USH2A: variants seen among roughly 807,000 people sequenced by gnomAD.
The protein encoded by USH2A is Usher syndrome 2A (autosomal recessive, mild).
In USH2A, 443 loss-of-function variants were observed where a neutral mutation model predicts 538.9. The observed-to-expected ratio is 0.82, with a 90% confidence interval of 0.76 to 0.89. The LOEUF (loss-of-function observed/expected upper bound fraction) is 0.89, where lower values mean the gene tolerates loss of function less well. Ranked by LOEUF, USH2A falls within the 40% of genes least tolerant of loss-of-function variation. The pLI, the probability that USH2A is intolerant of heterozygous loss-of-function variation, is 0.00. For synonymous variants in USH2A, 2,413 were observed against 2,273.5 expected, an observed-to-expected ratio of 1.06 and a Z score of -1.75; for missense variants, 6,633 against 6,324.8, an observed-to-expected ratio of 1.05 and a Z score of -1.65.
At chr1:216,156,284 C>CTTTTTTTTTCTTTTTTTTTTTTTTT (rs2033935272) in intron 21 of USH2A, among the ~76,000 whole-genome samples, 3 of 102,588 alleles carry the variant, frequency 2.9e-5, no homozygotes, top group African/African-American at 1.2e-4. Context: ...TTCTTTCTTT[C>CTTTTTTTTTCTTTTTTTTTTTTTTT]TTTTTTTTTT....
At chr1:215,631,616 C>T in intron 70 of USH2A, among the ~76,000 whole-genome samples, 1 of 152,194 alleles carries the variant, frequency 6.6e-6, no homozygotes, top group East Asian at 1.9e-4. Context: ...ACCCGGTGCC[C>T]TGGTGTATCC....
chr1:215,868,036 G>A (rs1032881613), intron 43 of USH2A, among the ~76,000 whole-genome samples: 16 of 152,132 alleles, frequency 1.1e-4, no homozygotes, highest in Admixed American at 8.5e-4. Flanking sequence ...GCTTAAACAT[G>A]TAGTGCAACA....
intron 61 of USH2A, among the ~76,000 whole-genome samples, chr1:215,716,550 T>A (rs1044045847): frequency 5.3e-5 from 8 of 152,196 alleles, no homozygotes; most frequent in African/African-American, 1.9e-4. Flanking sequence ...CAATAGGAAT[T>A]TGTACGATAA....
chr1:216,054,729 A>G (rs1446418817), intron 30 of USH2A, among the ~76,000 whole-genome samples: 1 of 144,222 alleles, frequency 6.9e-6, no homozygotes, highest in African/African-American at 2.6e-5. Context: ...GTTCTCCTTC[A>G]TTATGTTAAT....
chr1:216,118,382 A>C (rs1002036957), intron 21 of USH2A, among the ~76,000 whole-genome samples: 1 of 152,288 alleles, frequency 6.6e-6, no homozygotes, highest in Non-Finnish European at 1.5e-5. Context: ...GCAAAGTCCA[A>C]GAAAAAAGGG....
chr1:216,059,960 T>A (rs1425588126), intron 30 of USH2A, among the ~76,000 whole-genome samples: 1 of 152,168 alleles, frequency 6.6e-6, no homozygotes, highest in African/African-American at 2.4e-5. Flanking sequence ...CTTCTGGGAA[T>A]TTTCAGAAGT....
chr1:215,662,970 T>A (rs1456807449), intron 64 of USH2A, among the ~76,000 whole-genome samples: 1 of 152,192 alleles, frequency 6.6e-6, no homozygotes, highest in Non-Finnish European at 1.5e-5. Flanking sequence ...ACAAAGCAAG[T>A]AGCTAATTGC....
chr1:215,757,993 AG>A, intron 58 of USH2A, among the ~76,000 whole-genome samples: 1 of 152,340 alleles, frequency 6.6e-6, no homozygotes, highest in Non-Finnish European at 1.5e-5. Context: ...TTGGATATAT[AG>A]AAGAGTAAGC....
chr1:216,343,283 G>A (rs540636450), intron 4 of USH2A, among the ~76,000 whole-genome samples: 114 of 150,878 alleles, frequency 7.6e-4, no homozygotes, highest in African/African-American at 2.7e-3. Flanking sequence ...GACTAGCTGG[G>A]CTTGATGGTT....
chr1:215,817,273 GC>G, intron 47 of USH2A, 78 bp from the exon 48 acceptor site: 1 of 1,178,358 alleles, frequency 8.5e-7, no homozygotes, highest in Non-Finnish European at 1.2e-6. Flanking sequence ...GTAAAAAGTG[GC>G]AGCAATAGAT....
rs188758851 is a variant in USH2A at position 215,666,093 on chromosome 1, T to C, written c.14133+4879A>G. ...CATATTTTAGATCTCACTGGCTTTA[T>C]TAAAGCTAATCCTCCAGAGTGTTAT... On this transcript the variant is annotated intron_variant, in intron 64 of 71. Transcript: ENST00000307340. Among the ~76,000 whole-genome samples, 7 of 152,364 alleles carry C rather than the reference T, an allele frequency of 4.6e-5. No individual in the cohort carries two copies. The East Asian group carries it at 1.4e-3, about 29-fold the overall frequency.
chr1:215,623,225 A>G lies in USH2A; in HGVS notation c.*2556T>C, dbSNP rs1486877878. The G allele has an allele frequency of 6.6e-6, 1 of 152,050 alleles. No homozygotes were observed. The highest frequency in any genetic ancestry group is 6.5e-5 in the Admixed American group (1 of 15,272). The allele number at this position is 152,050 out of a possible 1,614,324, so 9.4% of individuals were successfully genotyped here. On this transcript the variant is annotated 3_prime_UTR_variant, in exon 72 of 72. Coordinates refer to ENST00000307340, the MANE Select transcript of USH2A (RefSeq NM_206933.4). Reference sequence around the variant, plus strand: ...AAAACATGGTAGTTCGTAAGCTGAGAATGTGGCATGTACAATTGGTAAAAT... The same window carrying G: ...AAAACATGGTAGTTCGTAAGCTGAGGATGTGGCATGTACAATTGGTAAAAT...
At chr1:215,835,298 A>T (rs941688200) in intron 47 of USH2A, among the ~76,000 whole-genome samples, 5 of 151,226 alleles carry the variant, frequency 3.3e-5, no homozygotes, top group African/African-American at 1.2e-4. Context: ...ATATGCTATT[A>T]TCTGGAGGTA....
chr1:216,311,580 A>T (rs2037420593), intron 9 of USH2A, among the ~76,000 whole-genome samples: 1 of 151,742 alleles, frequency 6.6e-6, no homozygotes, highest in Admixed American at 6.6e-5. Context: ...TTGGCGGGAG[A>T]GGGGCGCGGT....
intron 15 of USH2A, among the ~76,000 whole-genome samples, chr1:216,214,207 A>G (rs2035300548): frequency 6.6e-6 from 1 of 152,016 alleles, no homozygotes; most frequent in Non-Finnish European, 1.5e-5. Flanking sequence ...ATATAAAGAG[A>G]TATAAAGATG....
At chr1:216,374,771 T>C (rs2038786387) in intron 3 of USH2A, among the ~76,000 whole-genome samples, 1 of 152,128 alleles carries the variant, frequency 6.6e-6, no homozygotes, top group Non-Finnish European at 1.5e-5. Flanking sequence ...TACAGCTGCA[T>C]TCTGGATCAT....
In USH2A at chr1:216,251,079, C is replaced by G. The variant is rs1205322456; in HGVS notation, c.1991G>C (p.Cys664Ser). ...LCDQIGGQCN[C>S]KRHVSGRQCN... is the part of the protein sequence containing the mutation. Reference sequence around the variant, plus strand: ...CTGCCTGCCAGACACGTGTCTCTTACAATTACACTGTCCTCCAATCTAGAG... The same window carrying G: ...CTGCCTGCCAGACACGTGTCTCTTAGAATTACACTGTCCTCCAATCTAGAG... Residue 664 changes from cysteine to serine, a missense_variant, in exon 12 of 72, where the codon TGT (cysteine) becomes TCT (serine). Cys to Ser is a moderately radical substitution (Grantham distance 112). Coordinates refer to ENST00000307340, the MANE Select transcript of USH2A (RefSeq NM_206933.4). The G allele has an allele frequency of 6.2e-7, 1 of 1,614,030 alleles. No individual in the cohort carries two copies. Among genetic ancestry groups the G allele is most frequent in the Non-Finnish European group, 8.5e-7 (1 of 1,179,972 alleles).
At position 215,650,605 on chromosome 1, in the gene USH2A, C is replaced by T; in HGVS notation, c.14330G>A (p.Gly4777Glu). Residue 4777 changes from glycine to glutamate, a missense_variant, in exon 65 of 72, where the codon GGG becomes GAG. Gly to Glu is a moderately conservative substitution (Grantham distance 98). Transcript: ENST00000307340. ...TCTGCTGCTCACCACTGTCTCAGCC[C>T]CATGGGCGCTGCTGGAGAACAGCCT... ...LYRLFSSSAH[G>E]AETVLSEGMA... 6.2e-7 allele frequency: 1 copy of T among 1,614,116 alleles called. No homozygotes were observed. The highest frequency in any genetic ancestry group is 8.5e-7 in the Non-Finnish European group (1 of 1,180,024).
chr1:216,333,694 G>GAAA (rs137996715), intron 4 of USH2A, among the ~76,000 whole-genome samples: 2,760 of 152,048 alleles, frequency 0.018, 89 homozygotes, highest in African/African-American at 0.061. Flanking sequence ...AAGACAAAGA[G>GAAA]AAAATCTTGA....
Sources: gnomAD v4.1 joint callset for allele counts (sites outside exome capture counted in the v4.1 genomes callset) on GRCh38, gnomAD v4.1.1 for gene constraint, MANE v1.5 for transcripts, NCBI Gene and HGNC (gene_info 2026-07-23, HGNC 2026-07-21) for gene names.